The following WDR88 variants were observed in gnomAD, a reference collection of about 807,000 sequenced individuals.
The protein encoded by WDR88 is WD repeat domain 88, also known as WD repeat-containing protein 88.
Under a neutral mutation model 46.8 loss-of-function variants are expected in WDR88, and 40 were observed. That is an observed-to-expected ratio of 0.86 (90% CI 0.66 to 1.11). WDR88 has a LOEUF of 1.11. WDR88 is among the 50% of genes most tolerant of loss of function. The pLI is 0.00. For missense variants in WDR88, 562 were observed against 602.4 expected (o/e 0.93, Z 0.70); for synonymous variants, 235 against 240.7 (o/e 0.98, Z 0.22).
At chr19:33,144,161 G>C (rs1030638382) in intron 2 of WDR88, among the ~76,000 whole-genome samples, 1 of 152,156 alleles carries the variant, frequency 6.6e-6, no homozygotes, top group African/African-American at 2.4e-5. Flanking sequence ...GGCCCGCCCA[G>C]AGTGCGTGCA....
intron 3 of WDR88, 48 bp from the exon 4 acceptor site, chr19:33,147,596 CT>C (rs774814816): frequency 6.3e-7 from 1 of 1,588,234 alleles, no homozygotes; most frequent in Non-Finnish European, 8.6e-7. Flanking sequence ...GAAAGACACC[CT>C]GTCTCAAAAA....
chr19:33,149,344 A>ACAAC (rs200574273), intron 5 of WDR88, among the ~76,000 whole-genome samples: 3 of 150,988 alleles, frequency 2.0e-5, no homozygotes, highest in African/African-American at 7.4e-5. Context: ...AAACAAACAA[A>ACAAC]AAACAAACAA....
Position 33,160,578 on chromosome 19 carries a change from C to T in WDR88, c.1080+82C>T. 5 of 1,459,190 alleles carry T rather than the reference C, an allele frequency of 3.4e-6. No individual in the cohort carries two copies. In the Admixed American group the frequency reaches 7.0e-5, roughly 20 times the overall value. The allele number at this position is 1,459,190 out of a possible 1,614,324, so 90.4% of individuals were successfully genotyped here. A position where few individuals can be genotyped will look rare whatever the true frequency, so the allele number is the denominator to read the frequency against. ...TGCTCAATGCTGGTTGCTGGGGACA[C>T]AGCTGTGAGTGACACAGGCCTTGAT... On this transcript the variant is annotated intron_variant, in intron 8 of 10. Coordinates refer to ENST00000355868, the MANE Select transcript of WDR88 (RefSeq NM_173479.4).
intron 2 of WDR88, among the ~76,000 whole-genome samples, chr19:33,138,682 CTT>C (rs1568358973): frequency 7.6e-6 from 1 of 130,726 alleles, no homozygotes; most frequent in Non-Finnish European, 1.6e-5. Context: ...CTTTTCTTTT[CTT>C]TTCTTTTTTT....
At chr19:33,142,126 G>A (rs775149091) in intron 2 of WDR88, among the ~76,000 whole-genome samples, 3 of 152,142 alleles carry the variant, frequency 2.0e-5, no homozygotes, top group Non-Finnish European at 4.4e-5. Context: ...GGAGATGACT[G>A]TGTAGGGTTA....
At chr19:33,171,683 G>T (rs1351323699) in intron 9 of WDR88, among the ~76,000 whole-genome samples, 1 of 141,642 alleles carries the variant, frequency 7.1e-6, no homozygotes, top group African/African-American at 2.9e-5. Context: ...TATTAACTAA[G>T]GTCCATGGTT....
chr19:33,151,837 A>G (rs1443004611), intron 6 of WDR88, among the ~76,000 whole-genome samples: 1 of 151,910 alleles, frequency 6.6e-6, no homozygotes, highest in Non-Finnish European at 1.5e-5. Context: ...CTATGATTGC[A>G]CCACTGCACC....
intron 8 of WDR88, 83 bp downstream of exon 8, chr19:33,160,579 A>C: frequency 6.9e-7 from 1 of 1,451,244 alleles, no homozygotes; most frequent in Non-Finnish European, 9.6e-7. Flanking sequence ...CTGGGGACAC[A>C]GCTGTGAGTG....
intron 3 of WDR88, among the ~76,000 whole-genome samples, chr19:33,147,426 A>C (rs573105216): frequency 6.6e-6 from 1 of 151,984 alleles, no homozygotes; most frequent in East Asian, 1.9e-4. Context: ...AACATGGCAA[A>C]ACCCCGTTTC....
intron 6 of WDR88, among the ~76,000 whole-genome samples, chr19:33,154,314 G>C (rs778866013): frequency 1.3e-5 from 2 of 151,940 alleles, no homozygotes; most frequent in Non-Finnish European, 2.9e-5. Flanking sequence ...CTATCAACAC[G>C]TCATCTAGGT....
intron 3 of WDR88, among the ~76,000 whole-genome samples, chr19:33,146,068 A>G (rs4805854): frequency 0.26 from 39,127 of 152,052 alleles, 5,497 homozygotes; most frequent in South Asian, 0.41. Context: ...AGGCGGGCGG[A>G]TCACCTGAGG....
At chr19:33,148,943 C>T (rs1973576062) in intron 5 of WDR88, 33 bp downstream of exon 5, 1 of 1,613,142 alleles carries the variant, frequency 6.2e-7, no homozygotes, top group South Asian at 1.1e-5. Context: ...TATCTTCAGT[C>T]TGCCATAGGA....
At chr19:33,134,400 C>T (rs1973207043) in intron 1 of WDR88, among the ~76,000 whole-genome samples, 1 of 151,682 alleles carries the variant, frequency 6.6e-6, no homozygotes, top group Non-Finnish European at 1.5e-5. Context: ...GCCATGTTGC[C>T]CAGGCTGGTC....
intron 2 of WDR88, among the ~76,000 whole-genome samples, chr19:33,144,132 G>T (rs1364677671): frequency 2.6e-5 from 4 of 152,136 alleles, no homozygotes; most frequent in African/African-American, 9.7e-5. Context: ...TCATTCTGGC[G>T]CTGCCCTCAG....
rs528216679 is a variant in WDR88, at chr19:33,164,757, C to A, written c.1149+492C>A. Among the ~76,000 whole-genome samples, 3 of 152,166 alleles carry A rather than the reference C, an allele frequency of 2.0e-5. No homozygotes were observed. In the South Asian group the frequency reaches 6.2e-4, roughly 32 times the overall value. The stretch of plus-strand genomic sequence containing the variant: ...TCCACCCATATTAGAGCAGCAGTCC[C>A]CAACCTTTTTGGCACCAGGGACCAG... On this transcript the variant is annotated intron_variant, in intron 9 of 10. Transcript: ENST00000355868.
At chr19:33,132,811 G>A (rs549266931) in intron 1 of WDR88, among the ~76,000 whole-genome samples, 1 of 152,308 alleles carries the variant, frequency 6.6e-6, no homozygotes, top group South Asian at 2.1e-4. Flanking sequence ...AGCTCTCCCC[G>A]TCCAGGAGAT....
intron 1 of WDR88, 76 bp downstream of exon 1, chr19:33,132,521 A>G: frequency 1.9e-6 from 3 of 1,559,024 alleles, no homozygotes; most frequent in Non-Finnish European, 1.7e-6. Flanking sequence ...CTGTCGGGGG[A>G]CCCATGGAAA....
chr19:33,137,030 A>C (rs1311002608), intron 1 of WDR88, among the ~76,000 whole-genome samples: 1 of 151,844 alleles, frequency 6.6e-6, no homozygotes, highest in African/African-American at 2.4e-5. Flanking sequence ...TTCTGGGCTC[A>C]AGTAGTCCTC....
At chr19:33,146,448 CTTCCTTCCTTCCTTCT>C (rs1362621915) in intron 3 of WDR88, among the ~76,000 whole-genome samples, 7 of 101,018 alleles carry the variant, frequency 6.9e-5, no homozygotes, top group African/African-American at 1.3e-4. Flanking sequence ...TCCTTCCTTC[CTTCCTTCCTTCCTTCT>C]TTCCTTCCTT....
Sources: allele counts gnomAD v4.1 joint callset (sites outside exome capture counted in the v4.1 genomes callset), GRCh38; gene constraint gnomAD v4.1.1; transcripts MANE v1.5; gene names NCBI Gene and HGNC (gene_info 2026-07-23, HGNC 2026-07-21).